Variants in PCDH9 observed in about 807,000 individuals in gnomAD.
PCDH9 encodes protocadherin 9, also known as protocadherin-9.
A neutral mutation model predicts 70.6 loss-of-function variants in PCDH9; 24 were observed. That is an observed-to-expected ratio of 0.34 (90% CI 0.25 to 0.48). The LOEUF (loss-of-function observed/expected upper bound fraction) is 0.48. Ranked by LOEUF, PCDH9 falls within the 20% of genes least tolerant of loss-of-function variation. The probability of loss-of-function intolerance (pLI) is 0.99; values close to 1 mark genes in which losing one functional copy is unlikely to be tolerated. For missense variants in PCDH9, 1,281 were observed against 1,503.6 expected, an observed-to-expected ratio of 0.85 and a Z score of 2.45; for synonymous variants, 562 against 558.5, an observed-to-expected ratio of 1.01 and a Z score of -0.09.
At chr13:66,363,186 A>T (rs1342259657) in intron 4 of PCDH9, among the ~76,000 whole-genome samples, 1 of 152,182 alleles carries the variant, frequency 6.6e-6, no homozygotes, top group Non-Finnish European at 1.5e-5. Context: ...CTCAAAAAAT[A>T]AAGAAAAAGA....
chr13:66,853,732 A>G (rs2081351470), intron 3 of PCDH9, among the ~76,000 whole-genome samples: 2 of 151,018 alleles, frequency 1.3e-5, no homozygotes, highest in South Asian at 2.1e-4. Flanking sequence ...TGACTGATTC[A>G]TAAATCATTT....
chr13:66,539,461 C>A (rs890582237), intron 4 of PCDH9, among the ~76,000 whole-genome samples: 1 of 152,028 alleles, frequency 6.6e-6, no homozygotes, highest in Non-Finnish European at 1.5e-5. Flanking sequence ...GCCTTTCCCC[C>A]TTTTGCTTTG....
At chr13:66,715,899 G>A (rs909581830) in intron 3 of PCDH9, among the ~76,000 whole-genome samples, 3 of 152,162 alleles carry the variant, frequency 2.0e-5, no homozygotes, top group Non-Finnish European at 2.9e-5. Context: ...TTTCGCAGTT[G>A]TACTAGTAAG....
At chr13:67,031,862 C>G in intron 2 of PCDH9, among the ~76,000 whole-genome samples, 1 of 152,096 alleles carries the variant, frequency 6.6e-6, no homozygotes, top group East Asian at 1.9e-4. Flanking sequence ...TCAAGAGAAG[C>G]TGCTTTTGAA....
intron 2 of PCDH9, among the ~76,000 whole-genome samples, chr13:67,020,284 A>G (rs2084649788): frequency 6.6e-6 from 1 of 152,220 alleles, no homozygotes; most frequent in South Asian, 2.1e-4. Flanking sequence ...TGTATGACTT[A>G]TGCCAACACA....
At chr13:66,908,881 G>A (rs73208975) in intron 2 of PCDH9, among the ~76,000 whole-genome samples, 208 of 152,086 alleles carry the variant, frequency 1.4e-3, no homozygotes, top group Non-Finnish European at 2.6e-3. Context: ...TGAAAATGTC[G>A]TATGATAAAT....
chr13:67,174,216 ATTTTGAAATATATTAC>A (rs2088377198), intron 2 of PCDH9, among the ~76,000 whole-genome samples: 1 of 152,054 alleles, frequency 6.6e-6, no homozygotes, highest in Non-Finnish European at 1.5e-5. Context: ...TAAAATATTA[ATTTTGAAATATATTAC>A]TTATAGCAGA....
intron 4 of PCDH9, among the ~76,000 whole-genome samples, chr13:66,541,542 C>G (rs1192563519): frequency 6.6e-6 from 1 of 152,138 alleles, no homozygotes; most frequent in African/African-American, 2.4e-5. Flanking sequence ...CTTCTGACAG[C>G]CTAATTTCAA....
intron 2 of PCDH9, among the ~76,000 whole-genome samples, chr13:67,149,634 G>T (rs1257561008): frequency 1.3e-5 from 2 of 151,886 alleles, no homozygotes; most frequent in Non-Finnish European, 2.9e-5. Context: ...ATGATTACTA[G>T]TTATCCTAAG....
intron 2 of PCDH9, among the ~76,000 whole-genome samples, chr13:67,027,488 C>A (rs1170931989): frequency 1.3e-5 from 2 of 152,092 alleles, no homozygotes; most frequent in African/African-American, 4.8e-5. Context: ...TAGGCATTAC[C>A]ATTCAGGACA....
At chr13:66,805,525 T>A (rs2080395890) in intron 3 of PCDH9, among the ~76,000 whole-genome samples, 1 of 152,130 alleles carries the variant, frequency 6.6e-6, no homozygotes, top group Non-Finnish European at 1.5e-5. Context: ...AGGTGAGTGG[T>A]GATATACTTT....
At chr13:66,850,646 T>G (rs929365833) in intron 3 of PCDH9, among the ~76,000 whole-genome samples, 1 of 152,248 alleles carries the variant, frequency 6.6e-6, no homozygotes, top group Non-Finnish European at 1.5e-5. Flanking sequence ...GAAGTTTCAC[T>G]TAAAGATGAT....
chr13:66,637,048 AT>A (rs2077647486), intron 3 of PCDH9, among the ~76,000 whole-genome samples: 1 of 151,934 alleles, frequency 6.6e-6, no homozygotes, highest in South Asian at 2.1e-4. Flanking sequence ...GAACTTTCTT[AT>A]TTTTATAAGA....
intron 3 of PCDH9, among the ~76,000 whole-genome samples, chr13:66,899,330 A>T (rs913161110): frequency 1.3e-5 from 2 of 152,024 alleles, no homozygotes; most frequent in Non-Finnish European, 1.5e-5. Context: ...TAACTGCCAC[A>T]TTTCCAAAGT....
intron 4 of PCDH9, among the ~76,000 whole-genome samples, chr13:66,585,741 TTTTC>T (rs1204388948): frequency 6.6e-6 from 1 of 152,084 alleles, no homozygotes; most frequent in Non-Finnish European, 1.5e-5. Context: ...ACACTGGTCT[TTTTC>T]TTTCTTTCTT....
chr13:66,482,749 C>A (rs1399786823), intron 4 of PCDH9, among the ~76,000 whole-genome samples: 1 of 152,176 alleles, frequency 6.6e-6, no homozygotes, highest in Non-Finnish European at 1.5e-5. Flanking sequence ...ATTCTTTATT[C>A]TGATCTCCCC....
intron 2 of PCDH9, among the ~76,000 whole-genome samples, chr13:67,040,118 T>C (rs1044583009): frequency 1.3e-5 from 2 of 152,182 alleles, no homozygotes; most frequent in African/African-American, 4.8e-5. Context: ...ATACAGATCA[T>C]ATTAAAAACT....
Position 67,225,641 on chromosome 13 carries a change from C to G in PCDH9, c.2800G>C (p.Asp934His), listed in dbSNP as rs758733769. The change falls in exon 2 of 5, where the codon GAC (aspartate) becomes CAC (histidine). Residue 934 changes from aspartate (D) to histidine (H), a missense_variant. Coordinates refer to ENST00000377865, the MANE Select transcript of PCDH9 (RefSeq NM_203487.3). ...GCAGATTTGTAGTGCTTGGCCAGGT[C>G]AGGACTGTTAGGCTTGAATGTTGTT... is the stretch of plus-strand genomic sequence containing the variant. Reference protein sequence around the residue: ...PPTTFKPNSPDLAKHYKSASP... With the variant: ...PPTTFKPNSPHLAKHYKSASP... The G allele has an allele frequency of 1.1e-5, 18 of 1,613,988 alleles. No homozygotes were observed. The highest frequency in any genetic ancestry group is 1.1e-5 in the Non-Finnish European group (13 of 1,180,026).
At chr13:67,177,756 T>A (rs1377825262) in intron 2 of PCDH9, among the ~76,000 whole-genome samples, 1 of 152,104 alleles carries the variant, frequency 6.6e-6, no homozygotes, top group Admixed American at 6.6e-5. Flanking sequence ...TTTCAGACAG[T>A]AAAACATACT....
Sources: allele counts gnomAD v4.1 joint callset (sites outside exome capture counted in the v4.1 genomes callset), GRCh38; gene constraint gnomAD v4.1.1; transcripts MANE v1.5; gene names NCBI Gene and HGNC (gene_info 2026-07-23, HGNC 2026-07-21).